DIAPH2: variants seen among roughly 807,000 people sequenced by gnomAD.
DIAPH2 encodes diaphanous related formin 2.
A neutral mutation model predicts 92.7 loss-of-function variants in DIAPH2; 35 were observed. The ratio of observed to expected loss-of-function variants is 0.38; its 90% confidence interval spans 0.29 to 0.50. The LOEUF (loss-of-function observed/expected upper bound fraction) is 0.50, where lower values mean the gene tolerates loss of function less well. Among genes scored for constraint, DIAPH2 ranks in the 20% least tolerant of loss-of-function variants. The pLI, the probability that DIAPH2 is intolerant of heterozygous loss-of-function variation, is 0.94. For synonymous variants in DIAPH2, 301 were observed against 280.4 expected (o/e 1.07, Z -0.73); for missense variants, 701 against 819.5 (o/e 0.86, Z 1.77).
At chrX:97,395,074 T>G (rs760782083) in intron 25 of DIAPH2, among the ~76,000 whole-genome samples, 1 of 111,946 alleles carries the variant, frequency 8.9e-6, no homozygotes, top group Non-Finnish European at 1.9e-5. Flanking sequence ...AGTACTTGCC[T>G]GGCACATGGT....
intron 25 of DIAPH2, among the ~76,000 whole-genome samples, chrX:97,406,958 AT>A (rs1196978077): frequency 1.8e-5 from 2 of 110,580 alleles, no homozygotes; most frequent in Non-Finnish European, 3.8e-5. Flanking sequence ...TTGTTTTTGA[AT>A]TTTTTTTTAC....
intron 25 of DIAPH2, among the ~76,000 whole-genome samples, chrX:97,425,822 GTA>G (rs1291424982): frequency 4.6e-5 from 4 of 87,135 alleles, no homozygotes; most frequent in African/African-American, 1.4e-4. Flanking sequence ...GTGTGTGTAT[GTA>G]TATGTGTGTG....
In DIAPH2 at chrX:97,365,522, C is replaced by T. The variant is rs149039577; in HGVS notation, c.3009+17242C>T. On this transcript the variant is annotated intron_variant, in intron 24 of 26. Coordinates refer to ENST00000324765, the MANE Select transcript of DIAPH2 (RefSeq NM_006729.5). ...TTTCTCTGATTGGAATACAGTCACA[C>T]GCACAGTCTCCCTTCTACCTGGTGA... Among the ~76,000 whole-genome samples the T allele has an allele frequency of 1.4e-4, 15 of 110,885 alleles. No homozygotes were observed. In the East Asian group the frequency reaches 3.7e-3, roughly 27 times the overall value.
chrX:97,571,446 T>C (rs1314340628), intron 26 of DIAPH2, among the ~76,000 whole-genome samples: 1 of 111,628 alleles, frequency 9.0e-6, no homozygotes, highest in African/African-American at 3.2e-5. Flanking sequence ...AAAATTTGTT[T>C]TGAGTACATT....
chrX:97,500,941 G>A (rs933186492), intron 26 of DIAPH2, among the ~76,000 whole-genome samples: 1 of 107,826 alleles, frequency 9.3e-6, no homozygotes, highest in African/African-American at 3.4e-5. Context: ...CCTTCCTTTT[G>A]CTTTTTATTC....
chrX:96,878,993 A>G (rs971051839), intron 4 of DIAPH2, among the ~76,000 whole-genome samples: 5 of 111,566 alleles, frequency 4.5e-5, no homozygotes, highest in African/African-American at 1.6e-4. Context: ...CTATCCATCC[A>G]TCCACCCAAC....
chrX:97,094,500 G>C (rs2066851193), intron 19 of DIAPH2, among the ~76,000 whole-genome samples: 1 of 111,980 alleles, frequency 8.9e-6, no homozygotes, highest in Admixed American at 9.5e-5. Flanking sequence ...TGAAAATAGT[G>C]ACTGCATGTT....
chrX:97,283,293 T>A (rs1363504894), intron 23 of DIAPH2, among the ~76,000 whole-genome samples: 2 of 111,517 alleles, frequency 1.8e-5, no homozygotes, highest in African/African-American at 6.5e-5. Flanking sequence ...CTGATGATGG[T>A]GGTAGTGATG....
chrX:97,381,110 A>G lies in DIAPH2; in HGVS notation c.3010-2799A>G, dbSNP rs191018466. Among the ~76,000 whole-genome samples, 5 of 111,588 alleles carry G rather than the reference A, an allele frequency of 4.5e-5. No homozygotes were observed. In the East Asian group the frequency reaches 1.4e-3, roughly 31 times the overall value. On this transcript the variant is annotated intron_variant, in intron 24 of 26. Coordinates refer to ENST00000324765, the MANE Select transcript of DIAPH2 (RefSeq NM_006729.5). ...TTAATCTCTAGCCTTATTTTCTTCT[A>G]TCGCAAATTGTATCACTTTGATTTT...
chrX:96,745,076 G>T (rs1288347366), intron 3 of DIAPH2, among the ~76,000 whole-genome samples: 6 of 106,160 alleles, frequency 5.7e-5, no homozygotes, highest in Non-Finnish European at 1.2e-4. Context: ...GCGCGATCTT[G>T]GTTCATTGCA....
chrX:97,176,573 G>A (rs1196136796), intron 22 of DIAPH2, among the ~76,000 whole-genome samples: 2 of 110,994 alleles, frequency 1.8e-5, no homozygotes, highest in African/African-American at 3.3e-5. Flanking sequence ...TGTCGCCCAG[G>A]CTGGAGTGCA....
intron 4 of DIAPH2, among the ~76,000 whole-genome samples, chrX:96,854,993 C>A (rs765576053): frequency 9.1e-6 from 1 of 110,047 alleles, no homozygotes; most frequent in Non-Finnish European, 1.9e-5. Flanking sequence ...TATTTTATAG[C>A]AACCATCTTT....
intron 19 of DIAPH2, among the ~76,000 whole-genome samples, chrX:97,093,776 T>C (rs2066845249): frequency 8.9e-6 from 1 of 112,035 alleles, no homozygotes; most frequent in Admixed American, 9.4e-5. Flanking sequence ...ATTTTTTACA[T>C]ATAATCACTA....
rs5920878 is a variant in DIAPH2, at chrX:97,251,715, G to T, written c.2844+3876G>T. 9.7e-3 allele frequency among the ~76,000 whole-genome samples: 1,088 copies of T among 111,769 alleles called. 12 individuals carry two copies. The highest frequency in any genetic ancestry group is 0.034 in the African/African-American group (1,046 of 30,839). The stretch of plus-strand genomic sequence containing the variant: ...TGGGATTACAGGCACGAGCCACAGC[G>T]CCCGGCCTATGTGAAAGTCTTTGGT... On this transcript the variant is annotated intron_variant, in intron 23 of 26. Coordinates refer to ENST00000324765, the MANE Select transcript of DIAPH2 (RefSeq NM_006729.5).
intron 25 of DIAPH2, among the ~76,000 whole-genome samples, chrX:97,401,321 T>C (rs1434025605): frequency 9.0e-6 from 1 of 110,922 alleles, no homozygotes; most frequent in Non-Finnish European, 1.9e-5. Flanking sequence ...TTCTCTCTCA[T>C]CCCTTAGTTT....
intron 20 of DIAPH2, among the ~76,000 whole-genome samples, chrX:97,113,922 AG>A (rs1256104935): frequency 3.6e-5 from 4 of 111,778 alleles, no homozygotes; most frequent in Non-Finnish European, 7.5e-5. Context: ...CATTTTGTGA[AG>A]GAAAACTAGT....
At chrX:97,577,970 ATTG>A (rs1431587259) in intron 26 of DIAPH2, among the ~76,000 whole-genome samples, 1 of 109,714 alleles carries the variant, frequency 9.1e-6, no homozygotes, top group East Asian at 2.9e-4. Context: ...TACCATTTTT[ATTG>A]TTGTTTTTGT....
At chrX:96,864,837 C>G (rs1215577859) in intron 4 of DIAPH2, among the ~76,000 whole-genome samples, 1 of 111,934 alleles carries the variant, frequency 8.9e-6, no homozygotes, top group Non-Finnish European at 1.9e-5. Flanking sequence ...GCTTTATTCC[C>G]ACATCCATTT....
At chrX:97,181,703 C>T (rs1225237451) in intron 22 of DIAPH2, among the ~76,000 whole-genome samples, 1 of 112,652 alleles carries the variant, frequency 8.9e-6, no homozygotes, top group Middle Eastern at 4.2e-3. Context: ...AGCCACCACG[C>T]CCGGCCTAGA....
Sources: allele counts gnomAD v4.1 joint callset (sites outside exome capture counted in the v4.1 genomes callset), GRCh38; gene constraint gnomAD v4.1.1; transcripts MANE v1.5; gene names NCBI Gene and HGNC (gene_info 2026-07-23, HGNC 2026-07-21).